Variants in ITGA4 observed in about 807,000 individuals in gnomAD.
ITGA4 encodes integrin subunit alpha 4, also known as integrin alpha-4.
In ITGA4, 63 loss-of-function variants were observed where a neutral mutation model predicts 133.6. That is an observed-to-expected ratio of 0.47 (90% CI 0.38 to 0.58). The LOEUF is 0.58. Ranked by LOEUF, ITGA4 falls within the 20% of genes least tolerant of loss-of-function variation. The pLI is 0.00. For missense variants in ITGA4, 1,076 were observed against 1,252.7 expected (o/e 0.86, Z 2.13); for synonymous variants, 483 against 438.0 (o/e 1.10, Z -1.28).
intron 4 of ITGA4, among the ~76,000 whole-genome samples, chr2:181,477,380 A>T (rs79404211): frequency 6.6e-6 from 1 of 152,244 alleles, no homozygotes; most frequent in African/African-American, 2.4e-5. Context: ...TATATTAGAA[A>T]GCTCCTGCAT....
intron 25 of ITGA4, among the ~76,000 whole-genome samples, chr2:181,533,797 A>G (rs1488172624): frequency 6.6e-6 from 1 of 152,190 alleles, no homozygotes; most frequent in Non-Finnish European, 1.5e-5. Context: ...TCTCCTAAAG[A>G]TTCTTAGAAT....
intron 2 of ITGA4, among the ~76,000 whole-genome samples, chr2:181,472,429 A>G (rs1387379393): frequency 2.0e-5 from 3 of 152,186 alleles, no homozygotes; most frequent in African/African-American, 7.2e-5. Flanking sequence ...TCTATTATAC[A>G]CGCCATATTA....
chr2:181,510,053 T>A (rs1459876041), intron 16 of ITGA4, among the ~76,000 whole-genome samples: 1 of 152,122 alleles, frequency 6.6e-6, no homozygotes, highest in Non-Finnish European at 1.5e-5. Context: ...TGTTCTATTT[T>A]TAATGCCTTG....
chr2:181,474,583 G>T (rs542737714), intron 2 of ITGA4, among the ~76,000 whole-genome samples: 2 of 152,292 alleles, frequency 1.3e-5, no homozygotes, highest in East Asian at 3.9e-4. Context: ...TTTTAAAAGT[G>T]CTCTGATAAT....
chr2:181,536,996 G>A lies in ITGA4; in HGVS notation c.*1469G>A, dbSNP rs1330419089. 3 of 450,308 alleles carry A rather than the reference G, an allele frequency of 6.7e-6. No individual in the cohort carries two copies. Among genetic ancestry groups the A allele is most frequent in the Admixed American group, 4.7e-5 (2 of 42,106 alleles). The allele number at this position is 450,308 out of a possible 1,614,324, so 27.9% of individuals were successfully genotyped here. On this transcript the variant is annotated 3_prime_UTR_variant, in exon 28 of 28. Coordinates refer to ENST00000397033, the MANE Select transcript of ITGA4 (RefSeq NM_000885.6). ...ATTGATGAAAGTTATCTGTTCACAG[G>A]CCTGCAGTGATGGTGAGGAATGTTC...
At position 181,537,261 on chromosome 2, in the gene ITGA4, CCTACTCAGAA is replaced by C. The variant is rs537519603; in HGVS notation, c.*1745_*1754del. The C allele has an allele frequency of 2.5e-4, 114 of 453,706 alleles. No homozygotes were observed. Among genetic ancestry groups the C allele is most frequent in the Middle Eastern group, 1.4e-3 (2 of 1,466 alleles). 28.1% of individuals were successfully genotyped at this position (453,706 alleles called of 1,614,324 possible). A position where few individuals can be genotyped will look rare whatever the true frequency, so the allele number is the denominator to read the frequency against. Reference sequence around the variant, plus strand: ...TAAGGAAATTTACATTTGGTTCTTTCCTACTCAGAACTACTCAGAAACAACTATATATTTC... The same window carrying C: ...TAAGGAAATTTACATTTGGTTCTTTCCTACTCAGAAACAACTATATATTTC... On this transcript the variant is annotated 3_prime_UTR_variant, in exon 28 of 28. Coordinates refer to ENST00000397033, the MANE Select transcript of ITGA4 (RefSeq NM_000885.6).
Position 181,523,203 on chromosome 2 carries a change from C to T in ITGA4, c.2074-234C>T, listed in dbSNP as rs1574410628. 1 of 327,930 alleles carries T rather than the reference C, an allele frequency of 3.0e-6. No homozygotes were observed. The highest frequency in any genetic ancestry group is 3.9e-5 in the Admixed American group (1 of 25,684). 20.3% of individuals were successfully genotyped at this position (327,930 alleles called of 1,614,324 possible). A position where few individuals can be genotyped will look rare whatever the true frequency, so the allele number is the denominator to read the frequency against. On this transcript the variant is annotated intron_variant, in intron 18 of 27. Transcript: ENST00000397033. The surrounding 1 kb of genome is among the most constrained non-coding windows in gnomAD (Gnocchi z 4.2). ...ACATACACATACACATATATATACACACACATATATACACACATATATACA... is the reference window on the plus strand; with the variant it reads ...ACATACACATACACATATATATACATACACATATATACACACATATATACA...
intron 15 of ITGA4, among the ~76,000 whole-genome samples, chr2:181,505,215 G>T (rs1237436739): frequency 6.6e-6 from 1 of 152,080 alleles, no homozygotes; most frequent in East Asian, 1.9e-4. Context: ...TTTCAGTTTT[G>T]TAACCCTAGA....
Position 181,481,447 on chromosome 2 carries a change from C to A in ITGA4, c.755-151C>A, listed in dbSNP as rs1685801781. ...AAATTGCATAAAACATAATGAATGA[C>A]CAATTTTGAGTATCTCTATGCTAAA... On this transcript the variant is annotated intron_variant, in intron 6 of 27. Coordinates refer to ENST00000397033, the MANE Select transcript of ITGA4 (RefSeq NM_000885.6). 1.5e-5 allele frequency: 5 copies of A among 340,172 alleles called. No homozygotes were observed. The East Asian group carries it at 1.8e-4, about 12-fold the overall frequency. 21.1% of individuals were successfully genotyped at this position (340,172 alleles called of 1,614,324 possible). A position where few individuals can be genotyped will look rare whatever the true frequency, so the allele number is the denominator to read the frequency against.
Position 181,457,454 on chromosome 2 carries a change from G to T in ITGA4, c.-201G>T. The T allele has an allele frequency of 5.6e-6, 3 of 534,898 alleles. No individual in the cohort carries two copies. Among genetic ancestry groups the T allele is most frequent in the East Asian group, 3.5e-5 (1 of 28,242 alleles). The allele number at this position is 534,898 out of a possible 1,614,324, so 33.1% of individuals were successfully genotyped here. A position where few individuals can be genotyped will look rare whatever the true frequency, so the allele number is the denominator to read the frequency against. ...CGGGAGTGGGGCCGGGCGAGTGCGCGGCATCCCAGGCCGGCCCGAACGCTC... is the reference window on the plus strand; with the variant it reads ...CGGGAGTGGGGCCGGGCGAGTGCGCTGCATCCCAGGCCGGCCCGAACGCTC... On this transcript the variant is annotated 5_prime_UTR_variant, in exon 1 of 28. Transcript: ENST00000397033.
rs1289312351 is a variant in ITGA4 at position 181,535,918 on chromosome 2, T to G, written c.*391T>G. On this transcript the variant is annotated 3_prime_UTR_variant, in exon 28 of 28. Coordinates refer to ENST00000397033, the MANE Select transcript of ITGA4 (RefSeq NM_000885.6). ...CCTCAGTAAAATGAACCCCACTGGG[T>G]GGGCAGAGGTTCATTTCAAATACAT... 2 of 153,312 alleles carry G rather than the reference T, an allele frequency of 1.3e-5. No individual in the cohort carries two copies. The highest frequency in any genetic ancestry group is 2.9e-5 in the Non-Finnish European group (2 of 68,844). The allele number at this position is 153,312 out of a possible 1,614,324, so 9.5% of individuals were successfully genotyped here.
In ITGA4 at chr2:181,516,785, A is replaced by G. The variant is rs2105761248; in HGVS notation, c.1922+5010A>G. On this transcript the variant is annotated intron_variant, in intron 17 of 27. Coordinates refer to ENST00000397033, the MANE Select transcript of ITGA4 (RefSeq NM_000885.6). The surrounding 1 kb of genome is among the most constrained non-coding windows in gnomAD (Gnocchi z 4.0). Reference sequence around the variant, plus strand: ...GGCTCTGTTGGCAGCTAAGAAGGGAAATCACTGTTGGCTAGACAATGAGCA... The same window carrying G: ...GGCTCTGTTGGCAGCTAAGAAGGGAGATCACTGTTGGCTAGACAATGAGCA... 6.6e-6 allele frequency among the ~76,000 whole-genome samples: 1 copy of G among 152,152 alleles called. No individual in the cohort carries two copies. Among genetic ancestry groups the G allele is most frequent in the Non-Finnish European group, 1.5e-5 (1 of 67,988 alleles).
chr2:181,533,587 C>A (rs1686991332), intron 25 of ITGA4, among the ~76,000 whole-genome samples: 1 of 152,128 alleles, frequency 6.6e-6, no homozygotes. Context: ...TTGACAGTTT[C>A]TTTAGACATT....
chr2:181,509,159 A>T (rs1167210660), intron 15 of ITGA4, among the ~76,000 whole-genome samples: 1 of 147,256 alleles, frequency 6.8e-6, no homozygotes, highest in African/African-American at 2.5e-5. Flanking sequence ...AAAAAAAAAA[A>T]AAAAAAAAAA....
intron 15 of ITGA4, among the ~76,000 whole-genome samples, chr2:181,505,954 C>A (rs982991774): frequency 1.4e-4 from 21 of 152,016 alleles, no homozygotes; most frequent in Admixed American, 6.6e-5. Context: ...TCAAGCTGTT[C>A]CGTTTTCACA....
rs1019571673 is a variant in ITGA4, at chr2:181,523,823, G to A, written c.2169+291G>A. ...CCCGAAAACCCCCACCCCCACCGCA[G>A]GTGGTCCTGTCTGCCAGGCATGTTA... is the stretch of plus-strand genomic sequence containing the variant. On this transcript the variant is annotated intron_variant, in intron 19 of 27. Transcript: ENST00000397033. The surrounding 1 kb of genome is among the most constrained non-coding windows in gnomAD (Gnocchi z 4.2). Among the ~76,000 whole-genome samples, 4 of 152,146 alleles carry A rather than the reference G, an allele frequency of 2.6e-5. No homozygotes were observed.
At chr2:181,506,335 T>C (rs1282067699) in intron 15 of ITGA4, among the ~76,000 whole-genome samples, 1 of 152,138 alleles carries the variant, frequency 6.6e-6, no homozygotes, top group Admixed American at 6.6e-5. Flanking sequence ...GTCTGCTTTA[T>C]GGACATTATG....
At chr2:181,505,640 T>G (rs944104971) in intron 15 of ITGA4, among the ~76,000 whole-genome samples, 1 of 152,084 alleles carries the variant, frequency 6.6e-6, no homozygotes, top group Non-Finnish European at 1.5e-5. Flanking sequence ...GTGGAGCTGT[T>G]AAAGTTAAAT....
chr2:181,472,524 T>C (rs1235927251), intron 2 of ITGA4, among the ~76,000 whole-genome samples: 1 of 152,208 alleles, frequency 6.6e-6, no homozygotes, highest in Non-Finnish European at 1.5e-5. Flanking sequence ...TCATAAAAAT[T>C]TTAGTATTTT....
Sources: allele counts gnomAD v4.1 joint callset (sites outside exome capture counted in the v4.1 genomes callset), GRCh38; gene constraint gnomAD v4.1.1; non-coding constraint Gnocchi (gnomAD v3.1); transcripts MANE v1.5; gene names NCBI Gene and HGNC (gene_info 2026-07-23, HGNC 2026-07-21).